Variants in IDO2 observed in about 807,000 individuals in gnomAD.
IDO2 encodes the protein indoleamine 2,3-dioxygenase-like 1 protein.
In IDO2, 46 loss-of-function variants were observed where a neutral mutation model predicts 45.1. The ratio of observed to expected loss-of-function variants is 1.02; its 90% CI spans 0.80 to 1.30. IDO2 has a LOEUF of 1.30. Ranked by LOEUF, IDO2 falls within the 50% of genes most tolerant of loss-of-function variation. The probability of loss-of-function intolerance (pLI) is 0.00; values close to 1 mark genes in which losing one functional copy is unlikely to be tolerated. For missense variants in IDO2, 544 were observed against 491.8 expected (o/e 1.11, Z -1.00); for synonymous variants, 218 against 184.9 (o/e 1.18, Z -1.45).
chr8:39,951,307 T>C (rs545393112), intron 2 of IDO2, among the ~76,000 whole-genome samples: 1 of 140,704 alleles, frequency 7.1e-6, no homozygotes, highest in South Asian at 2.3e-4. Context: ...ATAGAATCTC[T>C]TTCTATCGCC....
chr8:39,977,101 A>T (rs1488798079), intron 3 of IDO2, among the ~76,000 whole-genome samples: 1 of 152,234 alleles, frequency 6.6e-6, no homozygotes, highest in Non-Finnish European at 1.5e-5. Context: ...ACTAAAAAAA[A>T]TTTTAGAACA....
At chr8:39,989,573 C>T (rs1808471041) in intron 7 of IDO2, 148 bp from the exon 8 acceptor site, 2 of 577,580 alleles carry the variant, frequency 3.5e-6, no homozygotes, top group Admixed American at 3.3e-5. Flanking sequence ...GTCAGGCCAA[C>T]CCCACAGTGG....
At chr8:40,002,882 TTATC>T (rs1194285048) in intron 8 of IDO2, among the ~76,000 whole-genome samples, 2 of 152,160 alleles carry the variant, frequency 1.3e-5, no homozygotes, top group Non-Finnish European at 1.5e-5. Flanking sequence ...TTGATTTTGA[TTATC>T]TATTCAATAT....
chr8:39,934,806 C>G (rs532815680), exon 1 of IDO2: 1 of 324,786 alleles, frequency 3.1e-6, no homozygotes, highest in East Asian at 9.4e-5. Flanking sequence ...GAGAACTGAG[C>G]CCAATGAATG....
intron 3 of IDO2, among the ~76,000 whole-genome samples, chr8:39,971,815 CTT>C (rs34988083): frequency 6.7e-6 from 1 of 149,554 alleles, no homozygotes; most frequent in African/African-American, 2.5e-5. Flanking sequence ...CTTTTCTTTT[CTT>C]TTTTTTTTGA....
chr8:39,963,377 T>C (rs1431270093), intron 2 of IDO2, among the ~76,000 whole-genome samples: 26 of 152,246 alleles, frequency 1.7e-4, no homozygotes, highest in Admixed American at 1.7e-3. Flanking sequence ...TTTTACTGCA[T>C]TGGCATATAT....
rs571310373 is a variant in IDO2, at chr8:39,975,357, C to T, written c.196-3710C>T. Among the ~76,000 whole-genome samples, 165 of 151,804 alleles carry T rather than the reference C, an allele frequency of 1.1e-3. 1 individual carries two copies. Among genetic ancestry groups the T allele is most frequent in the Middle Eastern group, 3.4e-3 (1 of 294 alleles). On this transcript the variant is annotated intron_variant, in intron 3 of 10. Transcript: ENST00000502986. Reference sequence around the variant, plus strand: ...AAAACAGGCCAAAAGACAATGAAAGCCAAGCTACAAACTGAGAGAAGATAT... The same window carrying T: ...AAAACAGGCCAAAAGACAATGAAAGTCAAGCTACAAACTGAGAGAAGATAT...
In IDO2 at chr8:39,980,940, A is replaced by G. The variant is rs964624402; in HGVS notation, c.316-1712A>G. On this transcript the variant is annotated intron_variant, in intron 4 of 10. Transcript: ENST00000502986. ...AATTTTTTTTGTATTTTTAGTAGAG[A>G]CGGGTTTCACCACGTTGGCCAGGCT... is the stretch of plus-strand genomic sequence containing the variant. Among the ~76,000 whole-genome samples, 3 of 151,310 alleles carry G rather than the reference A, an allele frequency of 2.0e-5. 1 individual carries two copies. Among genetic ancestry groups the G allele is most frequent in the Admixed American group, 2.0e-4 (3 of 15,180 alleles).
intron 8 of IDO2, among the ~76,000 whole-genome samples, chr8:39,992,304 C>A (rs1048601244): frequency 6.6e-6 from 1 of 152,210 alleles, no homozygotes; most frequent in Non-Finnish European, 1.5e-5. Context: ...CCTGAGATCA[C>A]TCTGCTGTGC....
At chr8:39,965,657 AT>A (rs1808074122) in intron 3 of IDO2, among the ~76,000 whole-genome samples, 1 of 152,138 alleles carries the variant, frequency 6.6e-6, no homozygotes, top group Non-Finnish European at 1.5e-5. Context: ...GTGATACTGG[AT>A]TAAATTGTAT....
intron 8 of IDO2, among the ~76,000 whole-genome samples, chr8:39,990,724 C>T (rs1808486496): frequency 6.6e-6 from 1 of 152,164 alleles, no homozygotes; most frequent in South Asian, 2.1e-4. Flanking sequence ...CACATGTATT[C>T]CCATTGCAAT....
At chr8:39,997,842 C>A in intron 8 of IDO2, 1 of 163,956 alleles carries the variant, frequency 6.1e-6, no homozygotes, top group Admixed American at 6.3e-5. Flanking sequence ...CCTACACTCC[C>A]CATCCCATCA....
chr8:39,995,419 T>C (rs1414249375), intron 8 of IDO2, among the ~76,000 whole-genome samples: 1 of 151,578 alleles, frequency 6.6e-6, no homozygotes, highest in African/African-American at 2.4e-5. Context: ...TAACTGGGAT[T>C]ACAGGTGCAT....
intron 8 of IDO2, among the ~76,000 whole-genome samples, chr8:40,001,766 C>T (rs1410817526): frequency 1.3e-5 from 2 of 152,050 alleles, no homozygotes; most frequent in Non-Finnish European, 2.9e-5. Context: ...AAGAAATTAT[C>T]CCATCATCAT....
At chr8:39,948,628 A>T (rs1208584870) in intron 1 of IDO2, among the ~76,000 whole-genome samples, 1 of 152,222 alleles carries the variant, frequency 6.6e-6, no homozygotes. Flanking sequence ...GGTAGAAAAA[A>T]AGAGAACATG....
intron 2 of IDO2, among the ~76,000 whole-genome samples, chr8:39,961,072 C>T (rs1441026803): frequency 6.6e-6 from 1 of 152,094 alleles, no homozygotes; most frequent in Admixed American, 6.6e-5. Context: ...CGTGAGCCAC[C>T]GCACCTGGCC....
At chr8:39,955,251 C>CTT (rs34726763) in intron 2 of IDO2, among the ~76,000 whole-genome samples, 3 of 97,020 alleles carry the variant, frequency 3.1e-5, no homozygotes, top group African/African-American at 7.1e-5. Flanking sequence ...TAATATTTGC[C>CTT]TTTTTTTTTT....
intron 8 of IDO2, chr8:39,998,003 T>C: frequency 4.3e-6 from 1 of 234,718 alleles, no homozygotes. Flanking sequence ...GCTCCTCACT[T>C]AGCCCATCTG....
At chr8:39,976,872 T>C (rs1022492594) in intron 3 of IDO2, among the ~76,000 whole-genome samples, 3 of 152,236 alleles carry the variant, frequency 2.0e-5, no homozygotes, top group Non-Finnish European at 4.4e-5. Context: ...TCATAGACTT[T>C]TAATACACCT....
Sources: gnomAD v4.1 joint callset for allele counts (sites outside exome capture counted in the v4.1 genomes callset) on GRCh38, gnomAD v4.1.1 for gene constraint, MANE v1.5 for transcripts, NCBI Gene and HGNC (gene_info 2026-07-23, HGNC 2026-07-21) for gene names.